RUNX1T1: variants seen among roughly 807,000 people sequenced by gnomAD.
The protein encoded by RUNX1T1 is RUNX1 partner transcriptional co-repressor 1.
RUNX1T1 carries 4 observed loss-of-function variants against 62.8 expected under a neutral mutation model. That is an observed-to-expected ratio of 0.06 (90% CI 0.03 to 0.15). The LOEUF (loss-of-function observed/expected upper bound fraction) is 0.15. Ranked by LOEUF, RUNX1T1 falls within the 10% of genes least tolerant of loss-of-function variation. RUNX1T1 has a pLI of 1.00. For synonymous variants in RUNX1T1, 291 were observed against 286.0 expected, an observed-to-expected ratio of 1.02 and a Z score of -0.18; for missense variants, 508 against 754.3, an observed-to-expected ratio of 0.67 and a Z score of 3.82.
intron 2 of RUNX1T1, among the ~76,000 whole-genome samples, chr8:92,074,393 C>T (rs1485472573): frequency 6.6e-6 from 1 of 152,140 alleles, no homozygotes; most frequent in African/African-American, 2.4e-5. Flanking sequence ...CTCTATGTAT[C>T]TGCAATATGT....
intron 1 of RUNX1T1, chr8:92,095,371 G>A (rs1258398409): frequency 6.5e-7 from 1 of 1,535,430 alleles, no homozygotes; most frequent in South Asian, 1.2e-5. Flanking sequence ...GCGCGGGAGA[G>A]CGGCCGCGGC....
chr8:91,967,059 C>A (rs947458804), intron 10 of RUNX1T1, among the ~76,000 whole-genome samples: 3 of 152,168 alleles, frequency 2.0e-5, no homozygotes, highest in African/African-American at 7.2e-5. Flanking sequence ...GTGGCCTAAT[C>A]CCTTCAAGGC....
chr8:92,021,191 T>C (rs1242222552), intron 1 of RUNX1T1, among the ~76,000 whole-genome samples: 1 of 152,168 alleles, frequency 6.6e-6, no homozygotes, highest in East Asian at 1.9e-4. Flanking sequence ...CTAGAGAGGA[T>C]AAGCCAAAGT....
At chr8:91,997,794 A>G (rs939847702) in intron 5 of RUNX1T1, among the ~76,000 whole-genome samples, 2 of 152,184 alleles carry the variant, frequency 1.3e-5, no homozygotes, top group African/African-American at 2.4e-5. Flanking sequence ...TTGTCTCCAC[A>G]GCCCAGCCAA....
chr8:91,956,333 T>C (rs1586656374), downstream of RUNX1T1: 4 of 230,740 alleles, frequency 1.7e-5, no homozygotes, highest in South Asian at 7.3e-4. Context: ...CTGACATCAT[T>C]CCCTACTCAA....
rs1004202407 is a variant in RUNX1T1, at chr8:91,997,353, A to G, written c.660-5464T>C. Among the ~76,000 whole-genome samples the G allele has an allele frequency of 1.6e-4, 25 of 152,148 alleles. 1 individual carries two copies. The highest frequency in any genetic ancestry group is 3.3e-4 in the Admixed American group (5 of 15,274). On this transcript the variant is annotated intron_variant, in intron 5 of 10. Coordinates refer to ENST00000396218, the Ensembl canonical transcript of RUNX1T1. ...AGCGGGTGTAAGTTTTTTTCTCTAC[A>G]TTAACATTTTTTTTAATGTGAGGAA...
At chr8:91,978,517 C>G (rs184799761) in intron 8 of RUNX1T1, among the ~76,000 whole-genome samples, 1 of 152,090 alleles carries the variant, frequency 6.6e-6, no homozygotes, top group East Asian at 1.9e-4. Context: ...CCAAATACCA[C>G]AAATTTTGAA....
At chr8:91,995,030 A>G (rs929224839) in intron 5 of RUNX1T1, among the ~76,000 whole-genome samples, 3 of 152,236 alleles carry the variant, frequency 2.0e-5, no homozygotes, top group Non-Finnish European at 2.9e-5. Context: ...GGTTTGAACA[A>G]TTTATTATTT....
At chr8:91,972,573 G>A (rs1031767259) in intron 9 of RUNX1T1, among the ~76,000 whole-genome samples, 1 of 151,988 alleles carries the variant, frequency 6.6e-6, no homozygotes, top group African/African-American at 2.4e-5. Flanking sequence ...GGGAAGTACT[G>A]CCCTTCTAAC....
intron 5 of RUNX1T1, among the ~76,000 whole-genome samples, chr8:91,999,267 T>C (rs1819304587): frequency 2.0e-5 from 3 of 152,192 alleles, no homozygotes; most frequent in African/African-American, 4.8e-5. Context: ...TACTCCAGAA[T>C]GTGTACTCAT....
At chr8:92,095,104 C>T (rs1407442010) in intron 1 of RUNX1T1, 2 of 1,535,486 alleles carry the variant, frequency 1.3e-6, no homozygotes, top group Non-Finnish European at 1.7e-6. Flanking sequence ...CCTCCTCACC[C>T]CACACAACAA....
chr8:91,959,443 T>G, exon 11 of RUNX1T1: 1 of 114,626 alleles, frequency 8.7e-6, no homozygotes, highest in Non-Finnish European at 1.4e-5. Flanking sequence ...TGTGTGTGTG[T>G]GTGTGTGTGT....
intron 1 of RUNX1T1, among the ~76,000 whole-genome samples, chr8:92,098,943 C>A (rs1837914490): frequency 6.6e-6 from 1 of 152,080 alleles, no homozygotes; most frequent in Non-Finnish European, 1.5e-5. Context: ...GTTCACTGTT[C>A]TTTAAACATT....
intron 1 of RUNX1T1, among the ~76,000 whole-genome samples, chr8:92,094,846 A>C (rs548886692): frequency 6.6e-6 from 1 of 152,324 alleles, no homozygotes; most frequent in South Asian, 2.1e-4. Flanking sequence ...AGACAGTCTC[A>C]CCTTAAAATA....
chr8:92,063,216 G>C (rs1832355612), upstream of RUNX1T1, among the ~76,000 whole-genome samples: 1 of 152,096 alleles, frequency 6.6e-6, no homozygotes, highest in South Asian at 2.1e-4. Flanking sequence ...CCTGCACAAA[G>C]TATCAGAATC....
intron 1 of RUNX1T1, among the ~76,000 whole-genome samples, chr8:92,061,004 C>T (rs183548077): frequency 6.0e-4 from 91 of 152,218 alleles, no homozygotes; most frequent in African/African-American, 2.2e-3. Flanking sequence ...TTAACAACAA[C>T]ACTAAAACAA....
At chr8:92,090,450 C>G (rs1836815249) in intron 1 of RUNX1T1, among the ~76,000 whole-genome samples, 1 of 151,960 alleles carries the variant, frequency 6.6e-6, no homozygotes, top group South Asian at 2.1e-4. Context: ...ACAACAACAA[C>G]AAAAACAGAT....
At chr8:92,028,225 A>G (rs995632393) in intron 1 of RUNX1T1, among the ~76,000 whole-genome samples, 1 of 147,266 alleles carries the variant, frequency 6.8e-6, no homozygotes, top group Non-Finnish European at 1.5e-5. Flanking sequence ...TTTTATCACT[A>G]TTTTAATCAA....
chr8:92,067,543 C>G (rs1833044315), upstream of RUNX1T1, among the ~76,000 whole-genome samples: 2 of 152,244 alleles, frequency 1.3e-5, no homozygotes, highest in South Asian at 4.1e-4. Flanking sequence ...ACTGATAAAC[C>G]AAATAGTCTC....
Sources: allele counts gnomAD v4.1 joint callset (sites outside exome capture counted in the v4.1 genomes callset), GRCh38; gene constraint gnomAD v4.1.1; transcripts MANE v1.5; gene names NCBI Gene and HGNC (gene_info 2026-07-23, HGNC 2026-07-21).